The following LRRC27 variants were observed in gnomAD, a reference collection of about 807,000 sequenced individuals.
LRRC27 encodes leucine-rich repeat-containing protein 27.
LRRC27 carries 57 observed loss-of-function variants against 55.0 expected under a neutral mutation model. The ratio of observed to expected loss-of-function variants is 1.04; its 90% CI spans 0.84 to 1.29. The LOEUF is 1.29. LRRC27 is among the 50% of genes most tolerant of loss of function. The pLI, the probability that LRRC27 is intolerant of heterozygous loss-of-function variation, is 0.00. For synonymous variants in LRRC27, 278 were observed against 251.9 expected (o/e 1.10, Z -0.98); for missense variants, 721 against 651.5 (o/e 1.11, Z -1.16).
chr10:132,358,216 T>G (rs1564845629), intron 8 of LRRC27, among the ~76,000 whole-genome samples: 1 of 152,138 alleles, frequency 6.6e-6, no homozygotes, highest in Non-Finnish European at 1.5e-5. Context: ...CCACCGTAAA[T>G]ACATGAAAAG....
intron 10 of LRRC27, among the ~76,000 whole-genome samples, chr10:132,369,872 C>T (rs768067915): frequency 6.6e-6 from 1 of 152,178 alleles, no homozygotes; most frequent in Non-Finnish European, 1.5e-5. Flanking sequence ...TGCTCCCCCG[C>T]CCTGGTTACA....
At chr10:132,345,926 C>T (rs2067661898) in intron 5 of LRRC27, among the ~76,000 whole-genome samples, 2 of 152,160 alleles carry the variant, frequency 1.3e-5, no homozygotes, top group Non-Finnish European at 2.9e-5. Context: ...TGGGCCAGGA[C>T]AAATATGATA....
intron 7 of LRRC27, among the ~76,000 whole-genome samples, chr10:132,352,684 A>G (rs74161790): frequency 0.82 from 93,951 of 114,894 alleles, 38,152 homozygotes; most frequent in African/African-American, 0.93. Flanking sequence ...TGAGGCCTCC[A>G]TGTGGGGCAG....
chr10:132,342,774 T>C (rs1028570684), intron 4 of LRRC27, among the ~76,000 whole-genome samples: 8 of 152,220 alleles, frequency 5.3e-5, no homozygotes, highest in Non-Finnish European at 1.0e-4. Flanking sequence ...AGTATAAATT[T>C]GTCGGACTAG....
At position 132,337,808 on chromosome 10, in the gene LRRC27, A is replaced by G. The variant is rs541977153; in HGVS notation, c.341+113A>G. The G allele has an allele frequency of 1.5e-5, 19 of 1,245,272 alleles. No homozygotes were observed. In the Admixed American group the frequency reaches 3.6e-4, roughly 24 times the overall value. 77.1% of individuals were successfully genotyped at this position (1,245,272 alleles called of 1,614,324 possible). A position where few individuals can be genotyped will look rare whatever the true frequency, so the allele number is the denominator to read the frequency against. Reference sequence around the variant, plus strand: ...TAAATTTTTACCTCGGAATAGAAACATTTAATAGTATTTTTAAAGCCAGCT... The same window carrying G: ...TAAATTTTTACCTCGGAATAGAAACGTTTAATAGTATTTTTAAAGCCAGCT... On this transcript the variant is annotated intron_variant, in intron 3 of 10. Coordinates refer to ENST00000368614, the MANE Select transcript of LRRC27 (RefSeq NM_030626.3).
At position 132,379,979 on chromosome 10, in the gene LRRC27, CAGT is replaced by C. The variant is rs1242601288; in HGVS notation, c.*4740_*4742del. 6.6e-6 allele frequency: 1 copy of C among 152,134 alleles called. No individual in the cohort carries two copies. Among genetic ancestry groups the C allele is most frequent in the Non-Finnish European group, 1.5e-5 (1 of 68,066 alleles). 9.4% of individuals were successfully genotyped at this position (152,134 alleles called of 1,614,324 possible). A position where few individuals can be genotyped will look rare whatever the true frequency, so the allele number is the denominator to read the frequency against. ...ATACAGACCATACATGGACCATTCA[CAGT>C]AGAGAGAAATGTCGCCGTAAAGATG... On this transcript the variant is annotated 3_prime_UTR_variant, in exon 11 of 11. Coordinates refer to ENST00000368614, the MANE Select transcript of LRRC27 (RefSeq NM_030626.3).
upstream of LRRC27, chr10:132,331,969 G>A: frequency 2.4e-6 from 1 of 421,818 alleles, no homozygotes; most frequent in Non-Finnish European, 3.9e-6. Flanking sequence ...ACCACACCCC[G>A]CCCCCTCCCG....
At chr10:132,363,905 C>T (rs770134924) in intron 9 of LRRC27, among the ~76,000 whole-genome samples, 21 of 152,200 alleles carry the variant, frequency 1.4e-4, no homozygotes, top group South Asian at 1.2e-3. Flanking sequence ...GGGAAAATCT[C>T]GAAGGCCAAC....
At chr10:132,371,410 A>G (rs1268432189) in intron 10 of LRRC27, among the ~76,000 whole-genome samples, 1 of 152,214 alleles carries the variant, frequency 6.6e-6, no homozygotes, top group Non-Finnish European at 1.5e-5. Flanking sequence ...GCTGAAAGCA[A>G]ACCAGCCAAC....
rs538699937 is a variant in LRRC27, at chr10:132,362,891, G to A, written c.1289+1316G>A. Among the ~76,000 whole-genome samples, 21 of 133,838 alleles carry A rather than the reference G, an allele frequency of 1.6e-4. No homozygotes were observed. The East Asian group carries it at 4.0e-3, about 26-fold the overall frequency. 87.8% of individuals were successfully genotyped at this position (133,838 alleles called of 152,430 possible). A position where few individuals can be genotyped will look rare whatever the true frequency, so the allele number is the denominator to read the frequency against. On this transcript the variant is annotated intron_variant, in intron 9 of 10. Transcript: ENST00000368614. ...CCTCACAGCTGCTCGGGGGTCCGGG[G>A]TTCACCCCTCTCACCTCGCAGCAGC...
intron 6 of LRRC27, among the ~76,000 whole-genome samples, chr10:132,350,038 G>A (rs1297907258): frequency 2.6e-5 from 4 of 152,160 alleles, no homozygotes; most frequent in Non-Finnish European, 5.9e-5. Context: ...TCTGGGACTC[G>A]GGAAGCTGGT....
intron 3 of LRRC27, among the ~76,000 whole-genome samples, chr10:132,339,682 C>G (rs1164666656): frequency 6.6e-6 from 1 of 152,220 alleles, no homozygotes; most frequent in Non-Finnish European, 1.5e-5. Context: ...TTCTTCTTCA[C>G]ACGATCATCA....
chr10:132,331,683 T>G (rs2066753842), upstream of LRRC27: 1 of 1,612,656 alleles, frequency 6.2e-7, no homozygotes, highest in African/African-American at 1.3e-5. Context: ...TCGGCTGTCC[T>G]CGAGCAGCCC....
At position 132,348,113 on chromosome 10, in the gene LRRC27, A is replaced by G. The variant is rs1376383745; in HGVS notation, c.683A>G (p.Lys228Arg). The change falls in exon 6 of 11, where the codon AAG (lysine) becomes AGG (arginine). Residue 228 changes from lysine to arginine, a missense_variant. By Grantham distance (26) the Lys-to-Arg change is conservative. Transcript: ENST00000368614. This position sits in a 1 kb window ranked among gnomAD's most constrained non-coding sequence, Gnocchi z 4.2. ...QDPEGAVMKE[K>R]ASFLPPVEKP... is the part of the protein sequence containing the mutation. ...CCAGAGGGGGCTGTGATGAAAGAGAAGGCCAGCTTTCTCCCACCTGTGGAA... is the reference window on the plus strand; with the variant it reads ...CCAGAGGGGGCTGTGATGAAAGAGAGGGCCAGCTTTCTCCCACCTGTGGAA... The G allele has an allele frequency of 1.9e-6, 3 of 1,614,016 alleles. No homozygotes were observed. Among genetic ancestry groups the G allele is most frequent in the South Asian group, 2.2e-5 (2 of 91,084 alleles).
chr10:132,332,023 A>C (rs1590557215), upstream of LRRC27: 65 of 267,762 alleles, frequency 2.4e-4, no homozygotes, highest in East Asian at 2.9e-4. Context: ...AGGGGCACCC[A>C]CACCCCGCCC....
intron 9 of LRRC27, among the ~76,000 whole-genome samples, chr10:132,364,428 CGCTT>C (rs2068850803): frequency 2.7e-5 from 4 of 147,258 alleles, no homozygotes; most frequent in African/African-American, 1.0e-4. Context: ...CTTACACCCA[CGCTT>C]ACATCTACCT....
Position 132,335,569 on chromosome 10 carries a change from G to A in LRRC27, c.210+1835G>A, listed in dbSNP as rs2067084885. On this transcript the variant is annotated intron_variant, in intron 2 of 10. Coordinates refer to ENST00000368614, the MANE Select transcript of LRRC27 (RefSeq NM_030626.3). ...CCTCCCCCAGATCCTCATAGGCTGAGTACTATGGGGGGGGTCACAGTCTTC... is the reference window on the plus strand; with the variant it reads ...CCTCCCCCAGATCCTCATAGGCTGAATACTATGGGGGGGGTCACAGTCTTC... 2.0e-5 allele frequency among the ~76,000 whole-genome samples: 3 copies of A among 149,232 alleles called. No individual in the cohort carries two copies. The Admixed American group carries it at 2.0e-4, about 10-fold the overall frequency.
At chr10:132,347,676 G>A (rs1263776923) in intron 5 of LRRC27, among the ~76,000 whole-genome samples, 2 of 149,186 alleles carry the variant, frequency 1.3e-5, no homozygotes, top group Non-Finnish European at 3.0e-5. Flanking sequence ...AGGGTCAGGT[G>A]CGCCCGGTGG....
In LRRC27 at chr10:132,356,563, G is replaced by A. The variant is rs111996709; in HGVS notation, c.1170+677G>A. Among the ~76,000 whole-genome samples, 130 of 80,580 alleles carry A rather than the reference G, an allele frequency of 1.6e-3. 1 individual carries two copies. The highest frequency in any genetic ancestry group is 2.7e-3 in the South Asian group (5 of 1,844). The allele number at this position is 80,580 out of a possible 152,430, so 52.9% of individuals were successfully genotyped here. On this transcript the variant is annotated intron_variant, in intron 8 of 10. Transcript: ENST00000368614. ...TGGGACATGGGATATCCTGAGTACC[G>A]TCCCCCAAGATTGCCAGCTCTTAAG...
Sources: allele counts gnomAD v4.1 joint callset (sites outside exome capture counted in the v4.1 genomes callset), GRCh38; gene constraint gnomAD v4.1.1; non-coding constraint Gnocchi (gnomAD v3.1); transcripts MANE v1.5; gene names NCBI Gene and HGNC (gene_info 2026-07-23, HGNC 2026-07-21).